Variants in CUBN observed in about 807,000 individuals in gnomAD.
CUBN encodes the protein 460 kDa receptor.
A neutral mutation model predicts 405.3 loss-of-function variants in CUBN; 282 were observed. The ratio of observed to expected loss-of-function variants is 0.70; its 90% CI spans 0.63 to 0.77. CUBN has a LOEUF of 0.77. CUBN is among the 30% of genes least tolerant of loss of function. The pLI is 0.00. For synonymous variants in CUBN, 1,684 were observed against 1,617.0 expected (o/e 1.04, Z -0.99); for missense variants, 4,514 against 4,475.2 (o/e 1.01, Z -0.25).
intron 6 of CUBN, among the ~76,000 whole-genome samples, chr10:17,120,231 T>A (rs1334034209): frequency 6.6e-6 from 1 of 152,242 alleles, no homozygotes; most frequent in East Asian, 1.9e-4. Flanking sequence ...ACTTGTTTCA[T>A]TACACGTGGA....
chr10:16,902,217 G>C (rs1416825462), intron 51 of CUBN, among the ~76,000 whole-genome samples: 1 of 125,950 alleles, frequency 7.9e-6, no homozygotes, highest in African/African-American at 3.1e-5. Flanking sequence ...TATATATATA[G>C]TATATATATG....
rs1177684944 is a variant in CUBN, at chr10:16,964,300, C to G, written c.4696-9752G>C. Among the ~76,000 whole-genome samples the G allele has an allele frequency of 2.0e-5, 3 of 152,020 alleles. No individual in the cohort carries two copies. The East Asian group carries it at 5.8e-4, about 29-fold the overall frequency. ...GAAAAGAAAAAACCCATTAATAATC[C>G]AAATGGTTAATAATAAAGCGTGGCT... is the stretch of plus-strand genomic sequence containing the variant. On this transcript the variant is annotated intron_variant, in intron 31 of 66. Coordinates refer to ENST00000377833, the MANE Select transcript of CUBN (RefSeq NM_001081.4).
intron 32 of CUBN, 21 bp downstream of exon 32, chr10:16,954,368 G>A (rs754288164): frequency 6.2e-7 from 1 of 1,613,814 alleles, no homozygotes; most frequent in African/African-American, 1.3e-5. Context: ...TTGTGCCTGG[G>A]AAGATCCACA....
Position 16,879,268 on chromosome 10 carries a change from G to A in CUBN, c.8906-2171C>T, listed in dbSNP as rs545150441. ...TAATTTTAGCCATTCTGGTGCATGC[G>A]AAACGAAACTTCATTGTGATATTTA... On this transcript the variant is annotated intron_variant, in intron 56 of 66. Transcript: ENST00000377833. Among the ~76,000 whole-genome samples the A allele has an allele frequency of 2.3e-4, 35 of 152,266 alleles. 1 individual carries two copies. In the South Asian group the frequency reaches 6.4e-3, roughly 28 times the overall value.
intron 22 of CUBN, among the ~76,000 whole-genome samples, chr10:17,063,584 T>G (rs918464313): frequency 1.3e-5 from 2 of 152,226 alleles, no homozygotes; most frequent in African/African-American, 4.8e-5. Flanking sequence ...TATCTTATCT[T>G]TCTGAAAACT....
chr10:16,965,680 C>G (rs943784267), intron 31 of CUBN: 3 of 151,742 alleles, frequency 2.0e-5, no homozygotes, highest in Non-Finnish European at 2.9e-5. Flanking sequence ...TAAGTTTCAT[C>G]TTGCTCAGGG....
chr10:17,007,312 G>A (rs982039914), intron 28 of CUBN, among the ~76,000 whole-genome samples: 2 of 152,068 alleles, frequency 1.3e-5, no homozygotes, highest in African/African-American at 4.8e-5. Context: ...TTTCCAGGGT[G>A]GGGCCCTCTT....
intron 59 of CUBN, among the ~76,000 whole-genome samples, chr10:16,861,499 T>C (rs935048416): frequency 6.6e-6 from 1 of 152,178 alleles, no homozygotes; most frequent in East Asian, 1.9e-4. Flanking sequence ...TAATACTATT[T>C]ATAGCTAAAA....
chr10:16,939,191 G>T (rs1842593469), intron 37 of CUBN, 44 bp from the exon 38 acceptor site: 1 of 1,474,546 alleles, frequency 6.8e-7, no homozygotes, highest in Non-Finnish European at 9.5e-7. Flanking sequence ...ACTTAGAATT[G>T]CTCTTTAATC....
chr10:16,948,941 C>T (rs1312200918), intron 34 of CUBN, among the ~76,000 whole-genome samples: 1 of 152,178 alleles, frequency 6.6e-6, no homozygotes, highest in African/African-American at 2.4e-5. Context: ...CTAATATCCA[C>T]TATTTTGTAG....
At chr10:16,914,909 A>G (rs1841840220) in intron 47 of CUBN, 123 bp downstream of exon 47, 2 of 840,990 alleles carry the variant, frequency 2.4e-6, no homozygotes, top group Non-Finnish European at 3.9e-6. Context: ...ATTTCTGATT[A>G]AGGTCCAAGA....
intron 7 of CUBN, among the ~76,000 whole-genome samples, chr10:17,114,628 T>A (rs1836846766): frequency 6.6e-6 from 1 of 152,152 alleles, no homozygotes; most frequent in Non-Finnish European, 1.5e-5. Flanking sequence ...TTATTTTCCA[T>A]CACATGGGTA....
At chr10:17,056,209 A>G (rs1835391759) in intron 22 of CUBN, among the ~76,000 whole-genome samples, 1 of 152,092 alleles carries the variant, frequency 6.6e-6, no homozygotes, top group African/African-American at 2.4e-5. Flanking sequence ...ATGGTGCTTG[A>G]ACAATTAAAT....
At chr10:17,057,495 G>A (rs576729426) in intron 22 of CUBN, among the ~76,000 whole-genome samples, 3 of 152,158 alleles carry the variant, frequency 2.0e-5, no homozygotes, top group African/African-American at 7.2e-5. Context: ...AATCATATAG[G>A]TGGGAATATA....
intron 60 of CUBN, among the ~76,000 whole-genome samples, 170 bp from the exon 61 acceptor site, chr10:16,841,217 A>T (rs1278835270): frequency 6.6e-6 from 1 of 152,196 alleles, no homozygotes; most frequent in Admixed American, 6.5e-5. Context: ...TTATATTATG[A>T]CTTTCAGGAA....
intron 31 of CUBN, among the ~76,000 whole-genome samples, chr10:16,964,718 G>T (rs1015256299): frequency 6.6e-6 from 1 of 152,168 alleles, no homozygotes; most frequent in Non-Finnish European, 1.5e-5. Flanking sequence ...TAACAGCACT[G>T]CAGCACCCAA....
At chr10:17,085,028 G>T (rs908735406) in intron 16 of CUBN, among the ~76,000 whole-genome samples, 13 of 151,958 alleles carry the variant, frequency 8.6e-5, no homozygotes, top group African/African-American at 2.9e-4. Context: ...ATTTATTAAG[G>T]GCACAATAAT....
intron 27 of CUBN, among the ~76,000 whole-genome samples, chr10:17,027,302 G>C (rs899299669): frequency 4.6e-5 from 7 of 152,186 alleles, no homozygotes; most frequent in African/African-American, 1.4e-4. Context: ...GCTGTATTGT[G>C]ATGATGGGAT....
At chr10:17,063,903 G>T (rs192627135) in intron 22 of CUBN, among the ~76,000 whole-genome samples, 15 of 152,182 alleles carry the variant, frequency 9.9e-5, no homozygotes, top group Non-Finnish European at 4.4e-5. Flanking sequence ...AGAAAACTGT[G>T]GCCTAGAGAG....
Sources: allele counts gnomAD v4.1 joint callset (sites outside exome capture counted in the v4.1 genomes callset), GRCh38; gene constraint gnomAD v4.1.1; transcripts MANE v1.5; gene names NCBI Gene and HGNC (gene_info 2026-07-23, HGNC 2026-07-21).